Variants in SLCO5A1 observed in about 807,000 individuals in gnomAD.
The protein encoded by SLCO5A1 is organic anion transporter polypeptide-related protein 4.
In SLCO5A1, 39 loss-of-function variants were observed where a neutral mutation model predicts 65.1. The observed-to-expected ratio is 0.60, with a 90% CI of 0.46 to 0.78. The LOEUF (loss-of-function observed/expected upper bound fraction) is 0.78. Ranked by LOEUF, SLCO5A1 falls within the 30% of genes least tolerant of loss-of-function variation. The pLI is 0.00. For synonymous variants in SLCO5A1, 438 were observed against 415.7 expected (o/e 1.05, Z -0.65); for missense variants, 1,029 against 1,069.4 (o/e 0.96, Z 0.53).
At chr8:69,757,576 G>T (rs1212907075) in intron 3 of SLCO5A1, among the ~76,000 whole-genome samples, 4 of 152,202 alleles carry the variant, frequency 2.6e-5, no homozygotes, top group African/African-American at 9.7e-5. Flanking sequence ...CTACTCGGGA[G>T]GCTGAGGCAG....
chr8:69,771,490 TG>T (rs1818320920), intron 2 of SLCO5A1, among the ~76,000 whole-genome samples: 1 of 152,252 alleles, frequency 6.6e-6, no homozygotes, highest in Admixed American at 6.5e-5. Flanking sequence ...TTTAAACCTT[TG>T]TTATATTCCT....
chr8:69,713,048 C>T (rs1456635261), intron 5 of SLCO5A1, among the ~76,000 whole-genome samples: 1 of 152,160 alleles, frequency 6.6e-6, no homozygotes, highest in African/African-American at 2.4e-5. Flanking sequence ...CTGAATTGAA[C>T]ATTATTAGCA....
chr8:69,684,306 C>A (rs1292145797), intron 6 of SLCO5A1, among the ~76,000 whole-genome samples: 5 of 152,166 alleles, frequency 3.3e-5, no homozygotes, highest in Non-Finnish European at 7.3e-5. Flanking sequence ...CTACGGGCAT[C>A]TAATGGGCCA....
chr8:69,770,323 G>T (rs1401600531), intron 2 of SLCO5A1, among the ~76,000 whole-genome samples: 2 of 152,060 alleles, frequency 1.3e-5, no homozygotes, highest in Non-Finnish European at 2.9e-5. Flanking sequence ...GGCCCGGCAC[G>T]GTATCTCACA....
At chr8:69,682,907 A>G (rs1813843985) in intron 6 of SLCO5A1, among the ~76,000 whole-genome samples, 1 of 152,232 alleles carries the variant, frequency 6.6e-6, no homozygotes, top group Non-Finnish European at 1.5e-5. Context: ...ATTTTCAAAG[A>G]TGATTAGGAA....
At chr8:69,782,191 C>A (rs997781066) in intron 2 of SLCO5A1, among the ~76,000 whole-genome samples, 2 of 151,804 alleles carry the variant, frequency 1.3e-5, no homozygotes, top group African/African-American at 4.8e-5. Flanking sequence ...ACGTAACAAA[C>A]CTGCACATTC....
intron 2 of SLCO5A1, among the ~76,000 whole-genome samples, chr8:69,829,897 C>T (rs1821086106): frequency 1.3e-5 from 2 of 152,124 alleles, no homozygotes; most frequent in South Asian, 4.1e-4. Context: ...TATTTCTATA[C>T]ATATATACAC....
At position 69,832,382 on chromosome 8, in the gene SLCO5A1, T is replaced by A. The variant is rs2130931705; in HGVS notation, c.292A>T (p.Arg98Trp). Residue 98 changes from arginine to tryptophan, a missense_variant, in exon 2 of 10, where the codon AGG (arginine) becomes TGG (tryptophan). Physicochemically the swap from Arg to Trp is moderately radical, Grantham distance 101. Coordinates refer to ENST00000260126, the MANE Select transcript of SLCO5A1 (RefSeq NM_030958.3). The surrounding 1 kb of genome is among the most constrained non-coding windows in gnomAD (Gnocchi z 4.5). ...GAGAAGGTTTTGCTGAGGTCCACCC[T>A]GTGGTTACAGTCCCCGAGCCCCGCC... ...TSAGLGDCNH[R>W]VDLSKTFSVS... is the part of the protein sequence containing the mutation. 3 of 1,612,638 alleles carry A rather than the reference T, an allele frequency of 1.9e-6. No homozygotes were observed. The East Asian group carries it at 6.7e-5, about 36-fold the overall frequency.
At chr8:69,701,308 C>T (rs1161552873) in intron 6 of SLCO5A1, among the ~76,000 whole-genome samples, 2 of 151,998 alleles carry the variant, frequency 1.3e-5, no homozygotes, top group Non-Finnish European at 2.9e-5. Context: ...AATTCTAAGG[C>T]CCCCCAACCA....
At chr8:69,720,327 T>C (rs1815760869) in intron 5 of SLCO5A1, among the ~76,000 whole-genome samples, 1 of 152,262 alleles carries the variant, frequency 6.6e-6, no homozygotes. Flanking sequence ...CACGGGCTTC[T>C]TTAATGGCGT....
Position 69,813,614 on chromosome 8 carries a change from C to T in SLCO5A1, c.907+18153G>A, listed in dbSNP as rs181996830. On this transcript the variant is annotated intron_variant, in intron 2 of 9. Coordinates refer to ENST00000260126, the MANE Select transcript of SLCO5A1 (RefSeq NM_030958.3). ...TAACTCCCCAGGGACAGCTGTCCTA[C>T]GACATCTCTCAAGCCGCCGGGAGGT... is the stretch of plus-strand genomic sequence containing the variant. Among the ~76,000 whole-genome samples the T allele has an allele frequency of 4.1e-4, 62 of 152,282 alleles. No individual in the cohort carries two copies. In the East Asian group the frequency reaches 5.8e-3, roughly 14 times the overall value.
intron 5 of SLCO5A1, among the ~76,000 whole-genome samples, chr8:69,733,054 C>T (rs1443568098): frequency 6.6e-6 from 1 of 152,046 alleles, no homozygotes; most frequent in Non-Finnish European, 1.5e-5. Context: ...ACTTCATAGG[C>T]ATTAGTTACA....
intron 4 of SLCO5A1, among the ~76,000 whole-genome samples, chr8:69,740,815 C>A (rs1816760855): frequency 6.6e-6 from 1 of 152,098 alleles, no homozygotes; most frequent in Non-Finnish European, 1.5e-5. Flanking sequence ...TTCTCAATAG[C>A]CCAATCTGGG....
intron 4 of SLCO5A1, among the ~76,000 whole-genome samples, chr8:69,749,784 T>C (rs956722034): frequency 5.3e-5 from 8 of 150,980 alleles, no homozygotes; most frequent in Admixed American, 1.3e-4. Flanking sequence ...TACTTTCTCA[T>C]TGGGGAGACA....
intron 2 of SLCO5A1, among the ~76,000 whole-genome samples, chr8:69,772,555 G>C (rs555097042): frequency 1.7e-5 from 2 of 118,556 alleles, no homozygotes; most frequent in South Asian, 5.9e-4. Flanking sequence ...GGGAAGGAGG[G>C]AGGGAGGAGA....
At chr8:69,740,952 C>A (rs896522210) in intron 4 of SLCO5A1, among the ~76,000 whole-genome samples, 1 of 152,100 alleles carries the variant, frequency 6.6e-6, no homozygotes, top group South Asian at 2.1e-4. Context: ...TTATTTGTAA[C>A]CCCAAAAATT....
At position 69,762,182 on chromosome 8, in the gene SLCO5A1, CTTTCTTTCTTTCTTTCTTT is replaced by C. The variant is rs1563708217; in HGVS notation, c.908-326_908-308del. ...TCTTTCTTTCTTTCTTTCTTTCTTT[CTTTCTTTCTTTCTTTCTTT>C]TTTGAGACAGAGTCTTGCTCTGTCA... On this transcript the variant is annotated intron_variant, in intron 2 of 9. Transcript: ENST00000260126. 6.7e-4 allele frequency among the ~76,000 whole-genome samples: 41 copies of C among 60,828 alleles called. 2 individuals carry two copies. Among genetic ancestry groups the C allele is most frequent in the African/African-American group, 2.3e-3 (41 of 17,734 alleles). 39.9% of individuals were successfully genotyped at this position (60,828 alleles called of 152,430 possible).
chr8:69,765,390 A>T (rs1389214515), intron 2 of SLCO5A1, among the ~76,000 whole-genome samples: 3 of 151,764 alleles, frequency 2.0e-5, no homozygotes, highest in African/African-American at 7.3e-5. Flanking sequence ...GAGTATTTAT[A>T]TATATATATA....
intron 5 of SLCO5A1, among the ~76,000 whole-genome samples, chr8:69,736,080 C>T (rs1816541330): frequency 6.6e-6 from 1 of 152,202 alleles, no homozygotes; most frequent in African/African-American, 2.4e-5. Context: ...ACAAAAGTTG[C>T]TGATGACAAA....
Sources: allele counts gnomAD v4.1 joint callset (sites outside exome capture counted in the v4.1 genomes callset), GRCh38; gene constraint gnomAD v4.1.1; non-coding constraint Gnocchi (gnomAD v3.1); transcripts MANE v1.5; gene names NCBI Gene and HGNC (gene_info 2026-07-23, HGNC 2026-07-21).